NT5E: variants seen among roughly 807,000 people sequenced by gnomAD.
NT5E encodes the protein 5'-nucleotidase ecto, also known as 5'-nucleotidase.
A neutral mutation model predicts 55.1 loss-of-function variants in NT5E; 53 were observed. The observed-to-expected ratio is 0.96, with a 90% CI of 0.77 to 1.21. The LOEUF is 1.21. NT5E is among the 50% of genes most tolerant of loss of function. The probability of loss-of-function intolerance (pLI) is 0.00; values close to 1 mark genes in which losing one functional copy is unlikely to be tolerated. For synonymous variants in NT5E, 270 were observed against 278.4 expected (o/e 0.97, Z 0.30); for missense variants, 683 against 724.3 (o/e 0.94, Z 0.65).
chr6:85,471,200 G>C, intron 2 of NT5E, 37 bp from the exon 3 acceptor site: 9 of 1,379,890 alleles, frequency 6.5e-6, no homozygotes, highest in Non-Finnish European at 9.0e-6. Flanking sequence ...AATAAAAATT[G>C]TTAATAAATA....
At chr6:85,487,269 T>C in intron 4 of NT5E, 66 bp from the exon 5 acceptor site, 1 of 1,362,196 alleles carries the variant, frequency 7.3e-7, no homozygotes, top group Non-Finnish European at 1.1e-6. Context: ...TGATGTTTCA[T>C]TCCTTTTCCA....
intron 4 of NT5E, among the ~76,000 whole-genome samples, chr6:85,487,027 CT>C (rs1769680601): frequency 6.6e-6 from 1 of 152,304 alleles, no homozygotes; most frequent in Non-Finnish European, 1.5e-5. Context: ...ATAACTGCCC[CT>C]GGGCCTTTCA....
Position 85,450,491 on chromosome 6 carries a change from C to T in NT5E, c.339+13C>T, listed in dbSNP as rs145557549. 980 of 1,574,692 alleles carry T rather than the reference C, an allele frequency of 6.2e-4. 3 individuals are homozygous for T. In the African/African-American group the frequency reaches 0.011, roughly 18 times the overall value. On this transcript the variant is annotated intron_variant, in intron 1 of 8. Transcript: ENST00000257770. The surrounding 1 kb of genome is among the most constrained non-coding windows in gnomAD (Gnocchi z 4.0). ...CTACGATGCCATGGTAAGACCCGAG[C>T]CCGCGCCCGGGATAGTAGTCCCGGA... is the stretch of plus-strand genomic sequence containing the variant.
At position 85,492,217 on chromosome 6, in the gene NT5E, A is replaced by G. The variant is rs550907153; in HGVS notation, c.1561+40A>G. On this transcript the variant is annotated intron_variant, in intron 8 of 8. Transcript: ENST00000257770. ...CTCTTCCTTTCTCTAAAGAACAACA[A>G]AATTGGGCCAAGAAGGGGAGCTACT... 1.9e-6 allele frequency: 3 copies of G among 1,600,572 alleles called. No individual in the cohort carries two copies. In the South Asian group the frequency reaches 3.3e-5, roughly 18 times the overall value.
intron 3 of NT5E, among the ~76,000 whole-genome samples, chr6:85,479,178 TA>T (rs896809263): frequency 3.2e-4 from 49 of 151,398 alleles, no homozygotes; most frequent in African/African-American, 8.0e-4. Flanking sequence ...TTTTGTTAAA[TA>T]AAAAAAAAGA....
chr6:85,452,622 C>G (rs73496245), intron 1 of NT5E, among the ~76,000 whole-genome samples: 2,110 of 152,138 alleles, frequency 0.014, 54 homozygotes, highest in African/African-American at 0.048. Flanking sequence ...TGGCTGTGTC[C>G]TCAGGACTTA....
chr6:85,485,110 A>G (rs553092354), intron 3 of NT5E, 125 bp from the exon 4 acceptor site: 3 of 884,884 alleles, frequency 3.4e-6, no homozygotes, highest in African/African-American at 3.3e-5. Context: ...AAGACTAGCT[A>G]TGTAGAGCAA....
intron 1 of NT5E, among the ~76,000 whole-genome samples, chr6:85,464,067 ATTTTTTTT>A (rs67527174): frequency 5.1e-5 from 5 of 98,454 alleles, no homozygotes; most frequent in African/African-American, 1.2e-4. Flanking sequence ...GTAGTTAGGA[ATTTTTTTT>A]TTTTTTTTTT....
At chr6:85,482,482 C>G (rs1052662809) in intron 3 of NT5E, among the ~76,000 whole-genome samples, 2 of 152,148 alleles carry the variant, frequency 1.3e-5, no homozygotes, top group Non-Finnish European at 2.9e-5. Flanking sequence ...CCATGTGACA[C>G]GAGAAGGGCA....
At chr6:85,471,143 A>G (rs1769295228) in intron 2 of NT5E, 94 bp from the exon 3 acceptor site, 1 of 815,030 alleles carries the variant, frequency 1.2e-6, no homozygotes. Context: ...GCTTTAGTAA[A>G]TTAAGGTGTT....
intron 3 of NT5E, 152 bp from the exon 4 acceptor site, chr6:85,485,083 C>T (rs192434218): frequency 2.3e-5 from 17 of 735,382 alleles, no homozygotes; most frequent in Non-Finnish European, 4.0e-5. Context: ...TGGGCAAATG[C>T]CCAGATAGGG....
At chr6:85,478,786 T>A (rs1451033452) in intron 3 of NT5E, among the ~76,000 whole-genome samples, 1 of 151,654 alleles carries the variant, frequency 6.6e-6, no homozygotes, top group East Asian at 1.9e-4. Context: ...ATCTTAGACC[T>A]ACTATGTTCT....
intron 3 of NT5E, among the ~76,000 whole-genome samples, chr6:85,484,800 C>A (rs1443115750): frequency 6.6e-6 from 1 of 152,122 alleles, no homozygotes; most frequent in Non-Finnish European, 1.5e-5. Context: ...GATATTTAAT[C>A]CTCTCAGCTG....
intron 1 of NT5E, among the ~76,000 whole-genome samples, chr6:85,462,353 C>T (rs1769114329): frequency 6.6e-6 from 1 of 152,202 alleles, no homozygotes. Flanking sequence ...TACAGACCCT[C>T]CCTGATCTCC....
intron 3 of NT5E, among the ~76,000 whole-genome samples, chr6:85,484,413 A>C (rs1769608047): frequency 6.6e-6 from 1 of 152,134 alleles, no homozygotes; most frequent in South Asian, 2.1e-4. Context: ...ACCCTCCTGC[A>C]TACTCTCCAC....
At position 85,492,820 on chromosome 6, in the gene NT5E, A is replaced by G. The variant is rs572326805; in HGVS notation, c.1561+643A>G. ...GACCAGCATGCTTACAAGACACACA[A>G]GCAGCTTCTTGGCATCTCTGGGTAG... On this transcript the variant is annotated intron_variant, in intron 8 of 8. Transcript: ENST00000257770. Among the ~76,000 whole-genome samples the G allele has an allele frequency of 5.9e-5, 9 of 152,330 alleles. No individual in the cohort carries two copies. The East Asian group carries it at 9.6e-4, about 16-fold the overall frequency.
intron 1 of NT5E, among the ~76,000 whole-genome samples, chr6:85,464,608 G>C (rs1300843460): frequency 6.6e-6 from 1 of 152,178 alleles, no homozygotes; most frequent in Non-Finnish European, 1.5e-5. Flanking sequence ...CTATCATAAA[G>C]GCTGTGCTTC....
intron 7 of NT5E, among the ~76,000 whole-genome samples, chr6:85,491,768 T>A (rs1769789408): frequency 6.6e-6 from 1 of 152,186 alleles, no homozygotes. Context: ...CAGAGCTGGT[T>A]TTCCTTCCAG....
At chr6:85,485,564 T>C in intron 4 of NT5E, 132 bp downstream of exon 4, 1 of 945,118 alleles carries the variant, frequency 1.1e-6, no homozygotes, top group Non-Finnish European at 1.7e-6. Context: ...GTTTCTTCCT[T>C]GAGTTTGCCC....
Sources: gnomAD v4.1 joint callset for allele counts (sites outside exome capture counted in the v4.1 genomes callset) on GRCh38, gnomAD v4.1.1 for gene constraint, Gnocchi (gnomAD v3.1) non-coding constraint, MANE v1.5 for transcripts, NCBI Gene and HGNC (gene_info 2026-07-23, HGNC 2026-07-21) for gene names.